UNC5D: variants seen among roughly 807,000 people sequenced by gnomAD.
The protein encoded by UNC5D is netrin receptor UNC5D.
In UNC5D, 39 loss-of-function variants were observed where a neutral mutation model predicts 105.4. The ratio of observed to expected loss-of-function variants is 0.37; its 90% CI spans 0.29 to 0.48. The LOEUF (loss-of-function observed/expected upper bound fraction) is 0.48, where lower values mean the gene tolerates loss of function less well. Among genes scored for constraint, UNC5D ranks in the 20% least tolerant of loss-of-function variants. UNC5D has a pLI of 0.98. For missense variants in UNC5D, 991 were observed against 1,202.4 expected, an observed-to-expected ratio of 0.82 and a Z score of 2.60; for synonymous variants, 452 against 450.4, an observed-to-expected ratio of 1.00 and a Z score of -0.04.
At chr8:35,533,142 G>C (rs1403118790) in intron 1 of UNC5D, among the ~76,000 whole-genome samples, 7 of 152,084 alleles carry the variant, frequency 4.6e-5, no homozygotes, top group South Asian at 2.1e-4. Flanking sequence ...AGAGTTTCCA[G>C]TTTTTCTGTT....
intron 4 of UNC5D, among the ~76,000 whole-genome samples, chr8:35,619,603 A>T (rs1241905209): frequency 6.6e-5 from 10 of 152,154 alleles, no homozygotes; most frequent in African/African-American, 2.4e-4. Flanking sequence ...TTGTTATTTT[A>T]AGGAGCTGGT....
intron 11 of UNC5D, among the ~76,000 whole-genome samples, chr8:35,733,375 T>C (rs1445700253): frequency 6.6e-6 from 1 of 152,224 alleles, no homozygotes; most frequent in African/African-American, 2.4e-5. Flanking sequence ...AAAAGGCCAG[T>C]GTGTCACCTT....
rs576394008 is a variant in UNC5D at position 35,624,059 on chromosome 8, G to C, written c.570+28402G>C. Among the ~76,000 whole-genome samples the C allele has an allele frequency of 1.5e-3, 229 of 152,206 alleles. 1 individual carries two copies. Among genetic ancestry groups the C allele is most frequent in the Non-Finnish European group, 2.6e-3 (180 of 68,002 alleles). ...TGTGCCACTGCACTCCAGCCTGGGC[G>C]ACACAGCGAGACTCCACCTCAAAAA... On this transcript the variant is annotated intron_variant, in intron 4 of 16. Coordinates refer to ENST00000404895, the MANE Select transcript of UNC5D (RefSeq NM_080872.4).
chr8:35,293,527 T>C (rs1469943702), intron 1 of UNC5D, among the ~76,000 whole-genome samples: 2 of 152,206 alleles, frequency 1.3e-5, no homozygotes, highest in Non-Finnish European at 2.9e-5. Context: ...TCAACTTCTC[T>C]GGTGTGGTAT....
At chr8:35,388,299 G>A (rs1433719007) in intron 1 of UNC5D, among the ~76,000 whole-genome samples, 1 of 152,040 alleles carries the variant, frequency 6.6e-6, no homozygotes, top group Non-Finnish European at 1.5e-5. Context: ...GGGAGGTGGA[G>A]GTTACAATGA....
intron 3 of UNC5D, 101 bp from the exon 4 acceptor site, chr8:35,595,453 G>A (rs913980163): frequency 6.8e-6 from 6 of 886,680 alleles, no homozygotes; most frequent in Non-Finnish European, 1.1e-5. Flanking sequence ...GTGTGTGTGT[G>A]TCTAGGTTGT....
At chr8:35,726,629 C>T in intron 10 of UNC5D, 100 bp downstream of exon 10, 1 of 1,517,980 alleles carries the variant, frequency 6.6e-7, no homozygotes, top group Non-Finnish European at 8.8e-7. Context: ...TTTACTCTCC[C>T]CTCATCAGAC....
At chr8:35,307,937 A>T (rs1808550224) in intron 1 of UNC5D, among the ~76,000 whole-genome samples, 1 of 152,172 alleles carries the variant, frequency 6.6e-6, no homozygotes, top group African/African-American at 2.4e-5. Flanking sequence ...TTATTGGCAT[A>T]TGTGGCGATA....
intron 4 of UNC5D, among the ~76,000 whole-genome samples, chr8:35,643,754 A>C (rs1011434012): frequency 6.6e-6 from 1 of 152,138 alleles, no homozygotes. Context: ...ATGTCTAAAA[A>C]ATGTTTTAGG....
At chr8:35,768,774 A>G (rs2131719524) in intron 15 of UNC5D, among the ~76,000 whole-genome samples, 1 of 152,332 alleles carries the variant, frequency 6.6e-6, no homozygotes, top group South Asian at 2.1e-4. Context: ...AATGCTTCAC[A>G]AGTTTACAGT....
At chr8:35,599,815 A>G (rs1256669677) in intron 4 of UNC5D, among the ~76,000 whole-genome samples, 1 of 152,150 alleles carries the variant, frequency 6.6e-6, no homozygotes, top group Non-Finnish European at 1.5e-5. Flanking sequence ...TTTTATTATT[A>G]TTATACTTTA....
intron 1 of UNC5D, among the ~76,000 whole-genome samples, chr8:35,389,273 C>T (rs1053516318): frequency 1.3e-5 from 2 of 152,072 alleles, no homozygotes; most frequent in Non-Finnish European, 2.9e-5. Context: ...TTATTTGTGG[C>T]CCTCTAAAAC....
At chr8:35,530,048 G>A (rs1255997061) in intron 1 of UNC5D, among the ~76,000 whole-genome samples, 2 of 150,470 alleles carry the variant, frequency 1.3e-5, no homozygotes, top group African/African-American at 4.9e-5. Context: ...TCCTTCTCCT[G>A]CCTGATTGCC....
At chr8:35,256,585 GAAC>G (rs1370423589) in intron 1 of UNC5D, 2 of 149,868 alleles carry the variant, frequency 1.3e-5, no homozygotes, top group African/African-American at 2.5e-5. Context: ...CTTATAAAAT[GAAC>G]ATTATTATGT....
At chr8:35,559,838 C>T (rs966967772) in intron 2 of UNC5D, among the ~76,000 whole-genome samples, 14 of 152,168 alleles carry the variant, frequency 9.2e-5, no homozygotes, top group African/African-American at 3.4e-4. Flanking sequence ...CAGGATTAGA[C>T]CTGCTAAGAG....
chr8:35,507,007 C>G (rs1268106355), intron 1 of UNC5D, among the ~76,000 whole-genome samples: 1 of 142,688 alleles, frequency 7.0e-6, no homozygotes, highest in Non-Finnish European at 1.5e-5. Flanking sequence ...AAGGTGTTTT[C>G]TTAGAGGTAA....
At chr8:35,622,300 C>G (rs1351541416) in intron 4 of UNC5D, among the ~76,000 whole-genome samples, 1 of 152,064 alleles carries the variant, frequency 6.6e-6, no homozygotes. Flanking sequence ...CACAATCGCA[C>G]CACTGCACTC....
intron 1 of UNC5D, among the ~76,000 whole-genome samples, chr8:35,250,915 C>T (rs114856556): frequency 0.013 from 1,956 of 152,020 alleles, 43 homozygotes; most frequent in African/African-American, 0.046. Flanking sequence ...TGAGAACATG[C>T]AGTATTTGGT....
intron 4 of UNC5D, among the ~76,000 whole-genome samples, chr8:35,601,280 T>C (rs1024902613): frequency 3.3e-5 from 5 of 152,280 alleles, no homozygotes; most frequent in East Asian, 1.9e-4. Context: ...CTTGGCAATG[T>C]GGGCTCTTTT....
Sources: allele counts gnomAD v4.1 joint callset (sites outside exome capture counted in the v4.1 genomes callset), GRCh38; gene constraint gnomAD v4.1.1; transcripts MANE v1.5; gene names NCBI Gene and HGNC (gene_info 2026-07-23, HGNC 2026-07-21).